Variants in NRG3 observed in about 807,000 individuals in gnomAD.
NRG3 encodes the protein pro-neuregulin-3, membrane-bound isoform.
Under a neutral mutation model 66.9 loss-of-function variants are expected in NRG3, and 31 were observed. The ratio of observed to expected loss-of-function variants is 0.46; its 90% CI spans 0.35 to 0.63. NRG3 has a LOEUF of 0.63. Among genes scored for constraint, NRG3 ranks in the 20% least tolerant of loss-of-function variants. NRG3 has a pLI of 0.00. For missense variants in NRG3, 910 were observed against 878.9 expected (o/e 1.04, Z -0.45); for synonymous variants, 393 against 359.4 (o/e 1.09, Z -1.06).
chr10:82,060,409 C>T (rs1025715290), intron 1 of NRG3, among the ~76,000 whole-genome samples: 1 of 152,158 alleles, frequency 6.6e-6, no homozygotes, highest in Non-Finnish European at 1.5e-5. Context: ...TGTCTTCTAC[C>T]ATGAATCCTT....
intron 1 of NRG3, among the ~76,000 whole-genome samples, chr10:82,205,482 A>G (rs2075070167): frequency 6.6e-6 from 1 of 152,194 alleles, no homozygotes; most frequent in Non-Finnish European, 1.5e-5. Context: ...AGTAAGAGGT[A>G]TATGAATCAG....
At chr10:82,964,277 T>A (rs1482079182) in intron 6 of NRG3, among the ~76,000 whole-genome samples, 1 of 152,156 alleles carries the variant, frequency 6.6e-6, no homozygotes, top group Non-Finnish European at 1.5e-5. Flanking sequence ...CTCTCATCTG[T>A]GCCAAGGCCT....
chr10:81,987,014 A>T (rs73308642), intron 1 of NRG3, among the ~76,000 whole-genome samples: 4,626 of 152,184 alleles, frequency 0.03, 234 homozygotes, highest in African/African-American at 0.11. Context: ...TTGTGTGTTT[A>T]AAAAAATAGC....
intron 3 of NRG3, among the ~76,000 whole-genome samples, chr10:82,760,575 T>A (rs1425457480): frequency 6.6e-6 from 1 of 152,114 alleles, no homozygotes; most frequent in African/African-American, 2.4e-5. Flanking sequence ...AAGCTTTAAG[T>A]AAGCCTAATA....
At chr10:82,619,362 C>T (rs1259946972) in intron 2 of NRG3, among the ~76,000 whole-genome samples, 3 of 152,162 alleles carry the variant, frequency 2.0e-5, no homozygotes, top group African/African-American at 7.2e-5. Flanking sequence ...AAGACTCTAA[C>T]CCATACATTC....
At chr10:82,657,151 T>C (rs2051936644) in intron 2 of NRG3, among the ~76,000 whole-genome samples, 1 of 152,210 alleles carries the variant, frequency 6.6e-6, no homozygotes, top group South Asian at 2.1e-4. Flanking sequence ...GCTCTTTCAC[T>C]CTCTCTGGCT....
intron 1 of NRG3, among the ~76,000 whole-genome samples, chr10:82,288,874 A>G (rs2079566762): frequency 6.6e-6 from 1 of 152,190 alleles, no homozygotes; most frequent in Non-Finnish European, 1.5e-5. Flanking sequence ...TCACATTCCT[A>G]CGTATCAGAA....
At chr10:82,020,856 A>T (rs1178419226) in intron 1 of NRG3, among the ~76,000 whole-genome samples, 1 of 152,118 alleles carries the variant, frequency 6.6e-6, no homozygotes, top group Non-Finnish European at 1.5e-5. Flanking sequence ...ATTTTGTAAT[A>T]TAGCTGGATC....
chr10:82,428,953 A>G lies in NRG3; in HGVS notation c.953+70085A>G, dbSNP rs1341883885. 9.2e-5 allele frequency among the ~76,000 whole-genome samples: 14 copies of G among 152,082 alleles called. No individual in the cohort carries two copies. The East Asian group carries it at 1.5e-3, about 17-fold the overall frequency. On this transcript the variant is annotated intron_variant, in intron 2 of 8. Coordinates refer to ENST00000372141, the MANE Select transcript of NRG3 (RefSeq NM_001010848.4). ...ATTACTGATACATTAAAAATTTATC[A>G]TTATAAATTTCATCCTTTTCCTGAG...
chr10:82,540,595 A>C (rs1244643063), intron 2 of NRG3, among the ~76,000 whole-genome samples: 2 of 151,922 alleles, frequency 1.3e-5, no homozygotes, highest in Admixed American at 6.6e-5. Context: ...GCCCAGGTGG[A>C]GTAAGGGGAC....
intron 4 of NRG3, among the ~76,000 whole-genome samples, chr10:82,942,997 A>T (rs138222678): frequency 6.6e-6 from 1 of 152,266 alleles, no homozygotes; most frequent in East Asian, 1.9e-4. Context: ...ATAAAAATAA[A>T]TTCCTTAAAT....
chr10:82,038,523 A>AC (rs2062893354), intron 1 of NRG3, among the ~76,000 whole-genome samples: 1 of 152,170 alleles, frequency 6.6e-6, no homozygotes, highest in African/African-American at 2.4e-5. Context: ...ATTTCAGACT[A>AC]CTAGAAGTCA....
intron 1 of NRG3, among the ~76,000 whole-genome samples, chr10:82,095,024 A>G (rs1214621742): frequency 6.6e-6 from 1 of 152,088 alleles, no homozygotes; most frequent in Non-Finnish European, 1.5e-5. Flanking sequence ...GTGCCCCATA[A>G]ATTTATACAA....
intron 2 of NRG3, among the ~76,000 whole-genome samples, chr10:82,375,301 G>A (rs2085145679): frequency 6.6e-6 from 1 of 152,178 alleles, no homozygotes; most frequent in African/African-American, 2.4e-5. Flanking sequence ...ACTTTGGGAG[G>A]CCGAGGCGGG....
intron 2 of NRG3, among the ~76,000 whole-genome samples, chr10:82,540,597 T>G (rs1319444428): frequency 6.6e-6 from 1 of 150,990 alleles, no homozygotes; most frequent in Non-Finnish European, 1.5e-5. Context: ...CCAGGTGGAG[T>G]AAGGGGACAT....
intron 1 of NRG3, among the ~76,000 whole-genome samples, chr10:82,351,573 C>G (rs1283339436): frequency 1.3e-5 from 2 of 152,246 alleles, no homozygotes; most frequent in East Asian, 3.9e-4. Flanking sequence ...AGACTCAGTT[C>G]TCTTTGAAGT....
intron 2 of NRG3, among the ~76,000 whole-genome samples, chr10:82,626,131 C>T (rs1456121982): frequency 6.6e-6 from 1 of 152,114 alleles, no homozygotes; most frequent in East Asian, 1.9e-4. Flanking sequence ...CCCATTCACT[C>T]AGCCTCACAA....
At chr10:82,666,105 A>G (rs937985200) in intron 2 of NRG3, among the ~76,000 whole-genome samples, 2 of 151,972 alleles carry the variant, frequency 1.3e-5, no homozygotes, top group Non-Finnish European at 2.9e-5. Context: ...CAGGTGATCC[A>G]CCCGCCTTTG....
At chr10:82,879,993 G>A (rs1842168876) in intron 4 of NRG3, among the ~76,000 whole-genome samples, 1 of 107,034 alleles carries the variant, frequency 9.3e-6, no homozygotes, top group Non-Finnish European at 1.7e-5. Context: ...CATGAGAATT[G>A]AAGCAGAAGC....
Sources: gnomAD v4.1 joint callset for allele counts (sites outside exome capture counted in the v4.1 genomes callset) on GRCh38, gnomAD v4.1.1 for gene constraint, MANE v1.5 for transcripts, NCBI Gene and HGNC (gene_info 2026-07-23, HGNC 2026-07-21) for gene names.